GPD1L: variants seen among roughly 807,000 people sequenced by gnomAD.
GPD1L encodes glycerol-3-phosphate dehydrogenase 1 like.
A neutral mutation model predicts 32.9 loss-of-function variants in GPD1L; 17 were observed. The observed-to-expected ratio is 0.52, with a 90% CI of 0.35 to 0.78. The LOEUF is 0.78. GPD1L is among the 30% of genes least tolerant of loss of function. The pLI is 0.01. For synonymous variants in GPD1L, 187 were observed against 165.9 expected (o/e 1.13, Z -0.98); for missense variants, 361 against 447.8 (o/e 0.81, Z 1.75).
intron 5 of GPD1L, among the ~76,000 whole-genome samples, chr3:32,153,906 C>A (rs142715856): frequency 1.3e-5 from 2 of 152,224 alleles, no homozygotes; most frequent in Non-Finnish European, 2.9e-5. Flanking sequence ...CTGAGTATTC[C>A]GTCACTCAGG....
Position 32,165,874 on chromosome 3 carries a change from G to C in GPD1L, c.1020G>C (p.Met340Ile), listed in dbSNP as rs1225282992. 1 of 1,606,722 alleles carries C rather than the reference G, an allele frequency of 6.2e-7. No individual in the cohort carries two copies. The highest frequency in any genetic ancestry group is 1.7e-5 in the Admixed American group (1 of 60,016). The change falls in exon 8 of 8, where the codon ATG (methionine) becomes ATC (isoleucine). Residue 340 changes from methionine to isoleucine, a missense_variant. By Grantham distance (10) the Met-to-Ile change is conservative (BLOSUM62 1). Coordinates refer to ENST00000282541, the MANE Select transcript of GPD1L (RefSeq NM_015141.4). ...ACGAAAGCAGACCAGTTCAAGAGAT[G>C]TTGTCTTGTCTTCAGAGCCATCCAG... ...ICYESRPVQE[M>I]LSCLQSHPEH... is the part of the protein sequence containing the mutation.
chr3:32,152,131 A>G (rs936613314), intron 5 of GPD1L, among the ~76,000 whole-genome samples: 1 of 152,202 alleles, frequency 6.6e-6, no homozygotes. Flanking sequence ...AAATGCTCCA[A>G]TGACTATTTC....
intron 4 of GPD1L, among the ~76,000 whole-genome samples, chr3:32,144,393 C>T (rs1700790810): frequency 1.3e-5 from 2 of 152,224 alleles, no homozygotes; most frequent in Non-Finnish European, 2.9e-5. Context: ...TTCAAACCCT[C>T]TTATGTATCA....
In GPD1L at chr3:32,135,177, G is replaced by A. The variant is rs143985036; in HGVS notation, c.226-3410G>A. On this transcript the variant is annotated intron_variant, in intron 2 of 7. Transcript: ENST00000282541. ...AGGGAGGAATGTGTATGTGTTAGAG[G>A]TGGATGGGGAAGAGGAGAAACAGTA... 8.6e-4 allele frequency among the ~76,000 whole-genome samples: 131 copies of A among 152,330 alleles called. 1 individual carries two copies. Among genetic ancestry groups the A allele is most frequent in the African/African-American group, 3.0e-3 (123 of 41,578 alleles).
chr3:32,116,697 A>G (rs1445073434), intron 1 of GPD1L, among the ~76,000 whole-genome samples: 1 of 152,208 alleles, frequency 6.6e-6, no homozygotes, highest in African/African-American at 2.4e-5. Flanking sequence ...TACTACTTGG[A>G]CTAGTTACTT....
Position 32,159,679 on chromosome 3 carries a change from G to A in GPD1L, c.959+5G>A, listed in dbSNP as rs1406960070. The A allele has an allele frequency of 2.6e-6, 4 of 1,531,498 alleles. No individual in the cohort carries two copies. The Admixed American group carries it at 5.0e-5, about 19-fold the overall frequency. 94.9% of individuals were successfully genotyped at this position (1,531,498 alleles called of 1,614,324 possible). A position where few individuals can be genotyped will look rare whatever the true frequency, so the allele number is the denominator to read the frequency against. ...ACAGAAGGGACTACTGGACAAGTAA[G>A]TCTCTCAGTCGCCCATGAGACCAGA... is the stretch of plus-strand genomic sequence containing the variant. On this transcript the variant is annotated splice_donor_5th_base_variant and intron_variant, in intron 7 of 7. Coordinates refer to ENST00000282541, the MANE Select transcript of GPD1L (RefSeq NM_015141.4).
intron 1 of GPD1L, among the ~76,000 whole-genome samples, chr3:32,112,716 CATTTCTTAACCTTTA>C (rs1700270235): frequency 6.6e-6 from 1 of 152,170 alleles, no homozygotes; most frequent in Non-Finnish European, 1.5e-5. Context: ...CTTAACCTTT[CATTTCTTAACCTTTA>C]CCTCTTGCTT....
chr3:32,123,515 A>G (rs1700455353), intron 1 of GPD1L, among the ~76,000 whole-genome samples: 1 of 152,014 alleles, frequency 6.6e-6, no homozygotes, highest in South Asian at 2.1e-4. Context: ...CCTAGTACCC[A>G]TTTCTCACTT....
chr3:32,112,133 G>A (rs578095322), intron 1 of GPD1L, among the ~76,000 whole-genome samples: 4 of 152,204 alleles, frequency 2.6e-5, no homozygotes, highest in South Asian at 2.1e-4. Context: ...TTTTTAAAAA[G>A]TAATATTTAA....
At chr3:32,151,200 T>G in intron 5 of GPD1L, 9 of 583,524 alleles carry the variant, frequency 1.5e-5, no homozygotes, top group Admixed American at 2.1e-5. Context: ...CCAGGTACCT[T>G]TCTCTTTGGC....
intron 5 of GPD1L, among the ~76,000 whole-genome samples, chr3:32,147,389 A>G (rs926077951): frequency 1.3e-5 from 2 of 152,230 alleles, no homozygotes; most frequent in East Asian, 3.8e-4. Flanking sequence ...AAGTACAAAA[A>G]TCATAAGTAT....
intron 5 of GPD1L, among the ~76,000 whole-genome samples, chr3:32,152,854 AAAAAGACAGAC>A (rs1356654340): frequency 8.1e-6 from 1 of 123,580 alleles, no homozygotes; most frequent in African/African-American, 3.6e-5. Flanking sequence ...AGAAAAAAAA[AAAAAGACAGAC>A]AAAGAGCACG....
chr3:32,117,322 A>G (rs765566541), intron 1 of GPD1L, among the ~76,000 whole-genome samples: 2 of 152,242 alleles, frequency 1.3e-5, no homozygotes, highest in Non-Finnish European at 2.9e-5. Flanking sequence ...TAATTTAGTC[A>G]TGATTTCTTA....
intron 5 of GPD1L, among the ~76,000 whole-genome samples, chr3:32,147,755 ACCTG>A (rs1380778255): frequency 6.6e-6 from 1 of 152,148 alleles, no homozygotes; most frequent in East Asian, 1.9e-4. Context: ...TCCACCAGTC[ACCTG>A]TCTTTATTGG....
intron 1 of GPD1L, among the ~76,000 whole-genome samples, chr3:32,122,759 C>T (rs879290548): frequency 9.9e-5 from 15 of 152,208 alleles, no homozygotes; most frequent in African/African-American, 3.6e-4. Flanking sequence ...GTGAACATGA[C>T]TGAGTCTCAT....
intron 2 of GPD1L, among the ~76,000 whole-genome samples, chr3:32,137,232 T>C (rs925354128): frequency 1.3e-5 from 2 of 152,210 alleles, no homozygotes; most frequent in African/African-American, 4.8e-5. Flanking sequence ...AAGTCAGTTA[T>C]AGTTAGGTTT....
intron 5 of GPD1L, chr3:32,151,313 GC>G (rs1324258224): frequency 3.1e-6 from 2 of 643,954 alleles, no homozygotes; most frequent in East Asian, 5.8e-5. Context: ...CAAGAATCTT[GC>G]CCTTAACTTG....
At chr3:32,109,009 C>G (rs1406468432) in intron 1 of GPD1L, among the ~76,000 whole-genome samples, 1 of 152,222 alleles carries the variant, frequency 6.6e-6, no homozygotes, top group East Asian at 1.9e-4. Context: ...GCCACCATGC[C>G]TGGCTAATTT....
chr3:32,111,917 A>T (rs1349686381), intron 1 of GPD1L, among the ~76,000 whole-genome samples: 2 of 150,390 alleles, frequency 1.3e-5, no homozygotes, highest in South Asian at 2.1e-4. Flanking sequence ...TTCTGTTGTG[A>T]TTCTCACCAC....
Sources: allele counts gnomAD v4.1 joint callset (sites outside exome capture counted in the v4.1 genomes callset), GRCh38; gene constraint gnomAD v4.1.1; transcripts MANE v1.5; gene names NCBI Gene and HGNC (gene_info 2026-07-23, HGNC 2026-07-21).